The following FLACC1 variants were observed in gnomAD, a reference collection of about 807,000 sequenced individuals.
FLACC1 encodes the protein flagellum associated containing coiled-coil domains 1.
In FLACC1, 66 loss-of-function variants were observed where a neutral mutation model predicts 62.8. That is an observed-to-expected ratio of 1.05 (90% CI 0.86 to 1.29). The LOEUF is 1.29. FLACC1 is among the 50% of genes most tolerant of loss of function. The pLI is 0.00. For synonymous variants in FLACC1, 156 were observed against 161.0 expected (o/e 0.97, Z 0.24); for missense variants, 452 against 489.1 (o/e 0.92, Z 0.71).
chr2:201,346,852 T>C lies in FLACC1; in HGVS notation c.235-177A>G, dbSNP rs1950926248. On this transcript the variant is annotated intron_variant, in intron 4 of 14. Coordinates refer to ENST00000392257, the MANE Select transcript of FLACC1 (RefSeq NM_001127391.3). This position sits in a 1 kb window ranked among gnomAD's most constrained non-coding sequence, Gnocchi z 4.0. ...TTCTCACATCTCTCCGACTCAAATCTGATGCTTAGCAGGCTCCTGGGTGTC... is the reference window on the plus strand; with the variant it reads ...TTCTCACATCTCTCCGACTCAAATCCGATGCTTAGCAGGCTCCTGGGTGTC... 6.6e-6 allele frequency among the ~76,000 whole-genome samples: 1 copy of C among 152,202 alleles called. No individual in the cohort carries two copies. The highest frequency in any genetic ancestry group is 2.4e-5 in the African/African-American group (1 of 41,456).
intron 1 of FLACC1, among the ~76,000 whole-genome samples, chr2:201,355,232 C>G: frequency 6.6e-6 from 1 of 151,946 alleles, no homozygotes; most frequent in Middle Eastern, 3.2e-3. Context: ...TTGCAGTGAG[C>G]CGAGATCTCA....
chr2:201,301,537 C>T (rs1011124196), intron 11 of FLACC1, among the ~76,000 whole-genome samples: 1 of 151,810 alleles, frequency 6.6e-6, no homozygotes, highest in African/African-American at 2.4e-5. Context: ...ACTTCCCCAA[C>T]CTAGCAAGGC....
At chr2:201,309,905 CAAAA>C (rs1161849891) in intron 9 of FLACC1, among the ~76,000 whole-genome samples, 49 of 44,668 alleles carry the variant, frequency 1.1e-3, no homozygotes, top group Non-Finnish European at 1.8e-3. Context: ...GACTCTGTCT[CAAAA>C]AAAAAAAAAA....
chr2:201,296,642 C>G (rs958756333), intron 12 of FLACC1, among the ~76,000 whole-genome samples: 1 of 151,948 alleles, frequency 6.6e-6, no homozygotes, highest in Non-Finnish European at 1.5e-5. Flanking sequence ...TGCACATGTA[C>G]CCTAAAACTT....
rs1368628640 is a variant in FLACC1, at chr2:201,326,092, A to T, written c.675+4378T>A. ...CACATGATCATCTCAATAGATTCAG[A>T]AAAAGCATTTAATAAAATCCAGCAT... On this transcript the variant is annotated intron_variant, in intron 9 of 14. Transcript: ENST00000392257. The surrounding 1 kb of genome is among the most constrained non-coding windows in gnomAD (Gnocchi z 4.1). Among the ~76,000 whole-genome samples the T allele has an allele frequency of 9.2e-5, 14 of 152,236 alleles. No homozygotes were observed. The highest frequency in any genetic ancestry group is 9.2e-4 in the Admixed American group (14 of 15,280).
rs147048631 is a variant in FLACC1, at chr2:201,330,326, G to C, written c.675+144C>G. ...AAGCCATTGGGTTCATCCTCCCCCT[G>C]GGTGCAGCTAGTGCCACTTAGGTCT... On this transcript the variant is annotated intron_variant, in intron 9 of 14. Coordinates refer to ENST00000392257, the MANE Select transcript of FLACC1 (RefSeq NM_001127391.3). The C allele has an allele frequency of 2.0e-5, 14 of 688,322 alleles. No individual in the cohort carries two copies. The African/African-American group carries it at 2.6e-4, about 13-fold the overall frequency. 42.6% of individuals were successfully genotyped at this position (688,322 alleles called of 1,614,324 possible).
chr2:201,350,240 G>A (rs959244849), intron 3 of FLACC1, among the ~76,000 whole-genome samples: 8 of 151,978 alleles, frequency 5.3e-5, no homozygotes, highest in African/African-American at 1.7e-4. Context: ...CAAAAATTAC[G>A]TGGGCATGGT....
chr2:201,295,637 C>T (rs2125539849), intron 12 of FLACC1, among the ~76,000 whole-genome samples: 1 of 152,246 alleles, frequency 6.6e-6, no homozygotes, highest in East Asian at 1.9e-4. Flanking sequence ...AAAGCAATGG[C>T]AACAAAAGCC....
At chr2:201,311,076 A>C (rs1331006186) in intron 9 of FLACC1, among the ~76,000 whole-genome samples, 3 of 152,058 alleles carry the variant, frequency 2.0e-5, no homozygotes, top group Non-Finnish European at 4.4e-5. Flanking sequence ...CAACCTCCAA[A>C]GATTGAATCA....
At chr2:201,352,118 C>G (rs1391033804) in intron 1 of FLACC1, 2 of 152,184 alleles carry the variant, frequency 1.3e-5, no homozygotes. Flanking sequence ...AGTTGCAGAG[C>G]TGGAAACAAA....
At chr2:201,304,476 G>A (rs1245336801) in intron 11 of FLACC1, among the ~76,000 whole-genome samples, 1 of 152,160 alleles carries the variant, frequency 6.6e-6, no homozygotes, top group Non-Finnish European at 1.5e-5. Context: ...TGGATAGGAA[G>A]AATCAATATC....
At chr2:201,303,555 G>A (rs1950035160) in intron 11 of FLACC1, among the ~76,000 whole-genome samples, 1 of 152,220 alleles carries the variant, frequency 6.6e-6, no homozygotes. Context: ...TAGAAAAAGA[G>A]GGAATCTTCC....
At chr2:201,331,040 C>A (rs1433114778) in intron 7 of FLACC1, among the ~76,000 whole-genome samples, 1 of 151,174 alleles carries the variant, frequency 6.6e-6, no homozygotes, top group Non-Finnish European at 1.5e-5. Context: ...ATGGTCACAG[C>A]TCACTGCAGC....
At chr2:201,303,246 A>G (rs1418730886) in intron 11 of FLACC1, among the ~76,000 whole-genome samples, 1 of 152,194 alleles carries the variant, frequency 6.6e-6, no homozygotes, top group Non-Finnish European at 1.5e-5. Flanking sequence ...GATAAAGGGG[A>G]TATCACCACC....
Position 201,356,983 on chromosome 2 carries a change from T to C in FLACC1, c.-49A>G, listed in dbSNP as rs1951129616. On this transcript the variant is annotated splice_region_variant and 5_prime_UTR_variant, in exon 1 of 15. Coordinates refer to ENST00000392257, the MANE Select transcript of FLACC1 (RefSeq NM_001127391.3). Reference sequence around the variant, plus strand: ...AAACATCTTTTCCAAAGAGCTTACCTTGGACTGCCCAAAGATCTGTTATTC... The same window carrying C: ...AAACATCTTTTCCAAAGAGCTTACCCTGGACTGCCCAAAGATCTGTTATTC... 1 of 152,210 alleles carries C rather than the reference T, an allele frequency of 6.6e-6. No individual in the cohort carries two copies. Among genetic ancestry groups the C allele is most frequent in the Non-Finnish European group, 1.5e-5 (1 of 68,048 alleles). The allele number at this position is 152,210 out of a possible 1,614,324, so 9.4% of individuals were successfully genotyped here.
At chr2:201,335,190 T>C (rs1950668951) in intron 7 of FLACC1, among the ~76,000 whole-genome samples, 1 of 152,168 alleles carries the variant, frequency 6.6e-6, no homozygotes, top group Non-Finnish European at 1.5e-5. Flanking sequence ...TATTCTTAGT[T>C]TAGCTAAAGG....
intron 12 of FLACC1, among the ~76,000 whole-genome samples, chr2:201,290,710 A>C (rs1435013492): frequency 1.3e-5 from 2 of 152,182 alleles, no homozygotes; most frequent in East Asian, 3.8e-4. Flanking sequence ...TGCACTGAGC[A>C]TGAGCCGAAG....
At position 201,352,603 on chromosome 2, in the gene FLACC1, T is replaced by G. The variant is rs940817976; in HGVS notation, c.-47-1152A>C. On this transcript the variant is annotated intron_variant, in intron 1 of 14. Coordinates refer to ENST00000392257, the MANE Select transcript of FLACC1 (RefSeq NM_001127391.3). ...CCTATGTGCCTGCAAAGACAGGGTA[T>G]GAACAAGATGGAGCCAATTCACACA... Among the ~76,000 whole-genome samples, 17 of 152,178 alleles carry G rather than the reference T, an allele frequency of 1.1e-4. 1 individual carries two copies. The highest frequency in any genetic ancestry group is 9.2e-4 in the Admixed American group (14 of 15,282).
In FLACC1 at chr2:201,288,787, A is replaced by AAAAG; in HGVS notation, c.1143-10_1143-7dup. The AAAAG allele has an allele frequency of 6.2e-7, 1 of 1,612,480 alleles. No individual in the cohort carries two copies. Among genetic ancestry groups the AAAAG allele is most frequent in the Non-Finnish European group, 8.5e-7 (1 of 1,179,912 alleles). ...TCTTAGAAATTATCTTTTGCCTGTA[A>AAAAG]AAAGAAAGGAAAGATGTATCAATGT... On this transcript the variant is annotated splice_polypyrimidine_tract_variant and splice_region_variant and intron_variant, in intron 14 of 14. Coordinates refer to ENST00000392257, the MANE Select transcript of FLACC1 (RefSeq NM_001127391.3).
Sources: allele counts gnomAD v4.1 joint callset (sites outside exome capture counted in the v4.1 genomes callset), GRCh38; gene constraint gnomAD v4.1.1; non-coding constraint Gnocchi (gnomAD v3.1); transcripts MANE v1.5; gene names NCBI Gene and HGNC (gene_info 2026-07-23, HGNC 2026-07-21).